SHROOM3: variants seen among roughly 807,000 people sequenced by gnomAD.
The protein encoded by SHROOM3 is shroom family member 3, also known as protein Shroom3.
Under a neutral mutation model 138.6 loss-of-function variants are expected in SHROOM3, and 47 were observed. The ratio of observed to expected loss-of-function variants is 0.34; its 90% CI spans 0.27 to 0.43. The LOEUF (loss-of-function observed/expected upper bound fraction) is 0.43, where lower values mean the gene tolerates loss of function less well. SHROOM3 is among the 20% of genes least tolerant of loss of function. The pLI is 1.00. For synonymous variants in SHROOM3, 1,062 were observed against 1,063.3 expected (o/e 1.00, Z 0.02); for missense variants, 2,491 against 2,596.5 (o/e 0.96, Z 0.88).
chr4:76,671,980 C>T (rs1181399752), intron 2 of SHROOM3, among the ~76,000 whole-genome samples: 2 of 152,074 alleles, frequency 1.3e-5, no homozygotes, highest in Non-Finnish European at 2.9e-5. Context: ...GATTTTGGGG[C>T]AGTTTGGATT....
At chr4:76,600,404 C>T (rs566317423) in intron 2 of SHROOM3, among the ~76,000 whole-genome samples, 1 of 152,246 alleles carries the variant, frequency 6.6e-6, no homozygotes, top group Non-Finnish European at 1.5e-5. Context: ...TACCATTAGA[C>T]TATTGAAATC....
intron 1 of SHROOM3, among the ~76,000 whole-genome samples, chr4:76,482,618 T>C (rs1731640673): frequency 6.6e-6 from 1 of 152,152 alleles, no homozygotes; most frequent in African/African-American, 2.4e-5. Context: ...CAATCTACCA[T>C]TGACTTTATT....
rs1279428014 is a variant in SHROOM3, at chr4:76,642,041, T to C, written c.324-68115T>C. On this transcript the variant is annotated intron_variant, in intron 2 of 10. Coordinates refer to ENST00000296043, the MANE Select transcript of SHROOM3 (RefSeq NM_020859.4). The stretch of plus-strand genomic sequence containing the variant: ...CAAATTTGGTTGAGAGCAGGAAAGA[T>C]GAGACACACACTTCATGCCCTCAAT... Among the ~76,000 whole-genome samples, 6 of 152,262 alleles carry C rather than the reference T, an allele frequency of 3.9e-5. No homozygotes were observed. In the East Asian group the frequency reaches 1.2e-3, roughly 29 times the overall value.
At chr4:76,724,613 G>T (rs1217720406) in intron 3 of SHROOM3, among the ~76,000 whole-genome samples, 1 of 152,142 alleles carries the variant, frequency 6.6e-6, no homozygotes, top group Non-Finnish European at 1.5e-5. Flanking sequence ...ATTGTATCTA[G>T]TTTCTTAAGT....
intron 1 of SHROOM3, among the ~76,000 whole-genome samples, chr4:76,538,520 C>T (rs1733029255): frequency 6.6e-6 from 1 of 152,022 alleles, no homozygotes; most frequent in East Asian, 1.9e-4. Context: ...AAAATCTTCA[C>T]CAAGTCAGGA....
chr4:76,729,406 TTGAC>T (rs1263073799), intron 3 of SHROOM3, among the ~76,000 whole-genome samples: 1 of 152,316 alleles, frequency 6.6e-6, no homozygotes, highest in African/African-American at 2.4e-5. Flanking sequence ...TAAATCTTTG[TTGAC>T]TGACTGTTTG....
At chr4:76,483,378 C>T (rs1731658566) in intron 1 of SHROOM3, among the ~76,000 whole-genome samples, 1 of 152,018 alleles carries the variant, frequency 6.6e-6, no homozygotes, top group African/African-American at 2.4e-5. Flanking sequence ...TTTATGTGGC[C>T]AACAAACATA....
At chr4:76,754,170 AAG>A in intron 6 of SHROOM3, 139 bp from the exon 7 acceptor site, 1 of 1,071,392 alleles carries the variant, frequency 9.3e-7, no homozygotes, top group Non-Finnish European at 1.4e-6. Flanking sequence ...GCAGCCAGGG[AAG>A]ACAGTGTGCA....
chr4:76,647,383 T>C (rs555202997), intron 2 of SHROOM3, among the ~76,000 whole-genome samples: 1 of 152,268 alleles, frequency 6.6e-6, no homozygotes, highest in South Asian at 2.1e-4. Context: ...AAACAATGTA[T>C]TGTGTATTTC....
intron 2 of SHROOM3, among the ~76,000 whole-genome samples, chr4:76,655,542 A>G (rs1425091662): frequency 6.6e-6 from 1 of 152,232 alleles, no homozygotes; most frequent in Non-Finnish European, 1.5e-5. Flanking sequence ...GGATATTGTT[A>G]AGATAAACAC....
In SHROOM3 at chr4:76,688,996, C is replaced by G. The variant is rs567753026; in HGVS notation, c.324-21160C>G. On this transcript the variant is annotated intron_variant, in intron 2 of 10. Transcript: ENST00000296043. ...TTTTTTTTAGCTGTGAACTTTTTAC[C>G]TTGCTTCATTCATGCTTCATTTGAT... 6.6e-6 allele frequency: 6 copies of G among 905,240 alleles called. No homozygotes were observed. The South Asian group carries it at 3.1e-4, about 46-fold the overall frequency. 56.1% of individuals were successfully genotyped at this position (905,240 alleles called of 1,614,324 possible). A position where few individuals can be genotyped will look rare whatever the true frequency, so the allele number is the denominator to read the frequency against.
chr4:76,540,933 C>A (rs1227990721), intron 1 of SHROOM3, among the ~76,000 whole-genome samples: 2 of 152,078 alleles, frequency 1.3e-5, no homozygotes, highest in African/African-American at 4.8e-5. Flanking sequence ...TTAACTATTG[C>A]CCTGTGAGCC....
chr4:76,770,324 CAAAAAAAAAAAA>C lies in SHROOM3; in HGVS notation c.5350-286_5350-275del, dbSNP rs529468839. Among the ~76,000 whole-genome samples the C allele has an allele frequency of 8.7e-3, 314 of 36,100 alleles. 7 individuals carry two copies. Among genetic ancestry groups the C allele is most frequent in the East Asian group, 0.043 (62 of 1,448 alleles). The allele number at this position is 36,100 out of a possible 152,430, so 23.7% of individuals were successfully genotyped here. On this transcript the variant is annotated intron_variant, in intron 9 of 10. Transcript: ENST00000296043. ...GGGTGACAAGAGCCAAACTCTGTCT[CAAAAAAAAAAAA>C]AAAAAAAAAAAAAAACAGAAGACAA...
rs76352258 is a variant in SHROOM3, at chr4:76,531,753, G to A, written c.169-23856G>A. On this transcript the variant is annotated intron_variant, in intron 1 of 10. Transcript: ENST00000296043. ...GCCAGCATTTGGAAAATGTCTGAAAGATAATTAATTCCAAACTATTGCACA... is the reference window on the plus strand; with the variant it reads ...GCCAGCATTTGGAAAATGTCTGAAAAATAATTAATTCCAAACTATTGCACA... Among the ~76,000 whole-genome samples the A allele has an allele frequency of 9.5e-3, 1,448 of 152,218 alleles. 12 individuals are homozygous for A. The highest frequency in any genetic ancestry group is 0.024 in the Middle Eastern group (7 of 294).
chr4:76,690,198 C>G lies in SHROOM3; in HGVS notation c.324-19958C>G, dbSNP rs369783217. Among the ~76,000 whole-genome samples, 5 of 152,238 alleles carry G rather than the reference C, an allele frequency of 3.3e-5. No homozygotes were observed. The East Asian group carries it at 9.7e-4, about 29-fold the overall frequency. On this transcript the variant is annotated intron_variant, in intron 2 of 10. Transcript: ENST00000296043. ...GTGTGTTCCTTGTGCTGCAGCAACA[C>G]TTAAATCATGAAAATGAAATTCTAC...
At position 76,770,819 on chromosome 4, in the gene SHROOM3, T is replaced by G; in HGVS notation, c.5543T>G (p.Leu1848Arg). Residue 1848 changes from leucine (L) to arginine (R), a missense_variant, in exon 10 of 11, where the codon CTG (leucine) becomes CGG (arginine). This residue lies in a region of SHROOM3 where 470 missense variants were observed against 595.0 expected (regional missense o/e 0.79). Coordinates refer to ENST00000296043, the MANE Select transcript of SHROOM3 (RefSeq NM_020859.4). ...GATTTGGACAAGGTGGTCAACCTGC[T>G]GCTCTCCCTCTCGGGGCGTCTAGCC... ...IGDLDKVVNL[L>R]LSLSGRLARV... 6.2e-7 allele frequency: 1 copy of G among 1,614,208 alleles called. No individual in the cohort carries two copies. Among genetic ancestry groups the G allele is most frequent in the Non-Finnish European group, 8.5e-7 (1 of 1,180,034 alleles).
intron 9 of SHROOM3, among the ~76,000 whole-genome samples, chr4:76,766,692 G>C (rs937017753): frequency 2.6e-5 from 4 of 152,170 alleles, no homozygotes; most frequent in African/African-American, 9.7e-5. Context: ...ATTTAGTACA[G>C]CCAGCTTTCT....
At chr4:76,630,269 G>A (rs1042558828) in intron 2 of SHROOM3, among the ~76,000 whole-genome samples, 9 of 152,142 alleles carry the variant, frequency 5.9e-5, no homozygotes, top group East Asian at 1.9e-4. Context: ...TGGTTACAGC[G>A]GGACCAGGAG....
chr4:76,579,425 G>A (rs1401607304), intron 2 of SHROOM3, among the ~76,000 whole-genome samples: 2 of 152,220 alleles, frequency 1.3e-5, no homozygotes, highest in South Asian at 2.1e-4. Context: ...CCGAGATCGT[G>A]CCACTGCACT....
Sources: gnomAD v4.1 joint callset for allele counts (sites outside exome capture counted in the v4.1 genomes callset) on GRCh38, gnomAD v4.1.1 for gene constraint, gnomAD v4.1.1 regional missense constraint, MANE v1.5 for transcripts, NCBI Gene and HGNC (gene_info 2026-07-23, HGNC 2026-07-21) for gene names.